The following HIVEP1 variants were observed in gnomAD, a reference collection of about 807,000 sequenced individuals.
The protein encoded by HIVEP1 is HIVEP zinc finger 1, also known as zinc finger protein 40.
A neutral mutation model predicts 180.0 loss-of-function variants in HIVEP1; 36 were observed. The observed-to-expected ratio is 0.20, with a 90% confidence interval of 0.15 to 0.26. The LOEUF (loss-of-function observed/expected upper bound fraction) is 0.26, where lower values mean the gene tolerates loss of function less well. HIVEP1 is among the 10% of genes least tolerant of loss of function. HIVEP1 has a pLI of 1.00. For synonymous variants in HIVEP1, 1,239 were observed against 1,239.0 expected, an observed-to-expected ratio of 1.00 and a Z score of 0.00; for missense variants, 3,143 against 3,268.7, an observed-to-expected ratio of 0.96 and a Z score of 0.94.
At chr6:12,057,132 A>G (rs900993843) in intron 2 of HIVEP1, among the ~76,000 whole-genome samples, 6 of 152,150 alleles carry the variant, frequency 3.9e-5, no homozygotes, top group African/African-American at 1.4e-4. Context: ...TCTGATGACA[A>G]AGCTATCCTT....
the HIVEP1 span, among the ~76,000 whole-genome samples, chr6:12,208,557 G>A: frequency 2.0e-5 from 3 of 152,184 alleles, no homozygotes; most frequent in African/African-American, 7.2e-5. Flanking sequence ...ACATTCATAT[G>A]TTGAAGTCCC....
Position 12,120,838 on chromosome 6 carries a change from A to G in HIVEP1, c.1043A>G (p.Gln348Arg). The stretch of plus-strand genomic sequence containing the variant: ...TCCAGTAGATCTCAGGTTACTCCTC[A>G]AAACCAGCAAATGGATTCTGCTTCA... Reference protein sequence around the residue: ...SPSSRSQVTPQNQQMDSASPL... With the variant: ...SPSSRSQVTPRNQQMDSASPL... Residue 348 changes from glutamine to arginine, a missense_variant, in exon 4 of 9, where the codon CAA becomes CGA. By Grantham distance (43) the Gln-to-Arg change is conservative. Transcript: ENST00000379388. 6.2e-7 allele frequency: 1 copy of G among 1,614,200 alleles called. No homozygotes were observed. The highest frequency in any genetic ancestry group is 8.5e-7 in the Non-Finnish European group (1 of 1,180,024).
chr6:12,015,221 T>C (rs1561853318), intron 1 of HIVEP1, among the ~76,000 whole-genome samples: 1 of 152,252 alleles, frequency 6.6e-6, no homozygotes, highest in South Asian at 2.1e-4. Context: ...ATGCCTAACA[T>C]AATCCTTTTG....
At chr6:12,173,217 A>G in the HIVEP1 span, among the ~76,000 whole-genome samples, 1 of 152,194 alleles carries the variant, frequency 6.6e-6, no homozygotes, top group Non-Finnish European at 1.5e-5. Context: ...AGCGATTCAC[A>G]TTGTTTTGAG....
rs368780403 is a variant in HIVEP1, at chr6:12,123,358, G to A, written c.3563G>A (p.Arg1188Gln). ...GISQEESHPS[R>Q]DGSHPHQLAL... Reference sequence around the variant, plus strand: ...TCCCAAGAGGAAAGTCACCCTTCTCGGGACGGGTCTCATCCTCACCAGCTT... The same window carrying A: ...TCCCAAGAGGAAAGTCACCCTTCTCAGGACGGGTCTCATCCTCACCAGCTT... Residue 1188 changes from arginine (R) to glutamine (Q), a missense_variant, in exon 4 of 9, where the codon CGG becomes CAG. Physicochemically the swap from Arg to Gln is conservative, Grantham distance 43. Coordinates refer to ENST00000379388, the MANE Select transcript of HIVEP1 (RefSeq NM_002114.4). 5.9e-5 allele frequency: 96 copies of A among 1,614,006 alleles called. No individual in the cohort carries two copies. Among genetic ancestry groups the A allele is most frequent in the Admixed American group, 2.8e-4 (17 of 59,988 alleles).
chr6:12,125,666 G>A lies in HIVEP1; in HGVS notation c.5871G>A (p.Gln1957=). ...LLRQKSLHLP[Q]KDQKTSAYTD... ...GGCAGAAGTCGTTGCATTTGCCTCA[G>A]AAGGACCAGAAAACTTCAGCCTATA... is the stretch of plus-strand genomic sequence containing the variant. The change falls in exon 4 of 9, where the codon CAG becomes CAA. Residue 1957 remains glutamine, a synonymous_variant. Transcript: ENST00000379388. The A allele has an allele frequency of 6.2e-7, 1 of 1,614,180 alleles. No individual in the cohort carries two copies.
chr6:12,167,826 AAT>A (rs1182091702), downstream of HIVEP1, among the ~76,000 whole-genome samples: 1 of 145,284 alleles, frequency 6.9e-6, no homozygotes, highest in East Asian at 2.0e-4. Flanking sequence ...GTGCGTATAT[AAT>A]ATGTACACAT....
intron 3 of HIVEP1, among the ~76,000 whole-genome samples, chr6:12,107,087 A>C (rs115945351): frequency 0.01 from 1,598 of 152,338 alleles, 30 homozygotes; most frequent in African/African-American, 0.036. Flanking sequence ...AAATTTAAGT[A>C]GCCAATAGGC....
At chr6:12,130,739 C>T (rs1758371711) in intron 5 of HIVEP1, 28 bp from the exon 6 acceptor site, 1 of 1,354,454 alleles carries the variant, frequency 7.4e-7, no homozygotes. Flanking sequence ...TGTCCAATCT[C>T]CCTATTCATT....
In HIVEP1 at chr6:12,120,653, A is replaced by T; in HGVS notation, c.858A>T (p.Gln286His). 1.2e-6 allele frequency: 2 copies of T among 1,614,224 alleles called. No individual in the cohort carries two copies. The highest frequency in any genetic ancestry group is 1.7e-6 in the Non-Finnish European group (2 of 1,180,036). Residue 286 changes from glutamine (Q) to histidine (H), a missense_variant, in exon 4 of 9, where the codon CAA (glutamine) becomes CAT (histidine). Physicochemically the swap from Gln to His is conservative, Grantham distance 24. Around this residue, in one of 12 missense-constraint regions of HIVEP1, gnomAD observed 306 missense variants for 310.6 expected, o/e 0.99. Transcript: ENST00000379388. Reference protein sequence around the residue: ...AMQSASHLYHQHEHFVPKSNQ... With the variant: ...AMQSASHLYHHHEHFVPKSNQ... ...AGTCAGCTTCTCATTTGTATCATCA[A>T]CATGAACACTTTGTTCCCAAATCCA... is the stretch of plus-strand genomic sequence containing the variant.
the HIVEP1 span, among the ~76,000 whole-genome samples, chr6:12,174,661 C>G: frequency 6.6e-6 from 1 of 152,138 alleles, no homozygotes; most frequent in African/African-American, 2.4e-5. Context: ...TTGGAAGACA[C>G]AACAGATTCA....
At chr6:12,114,546 T>C (rs1775102447) in intron 3 of HIVEP1, among the ~76,000 whole-genome samples, 1 of 152,164 alleles carries the variant, frequency 6.6e-6, no homozygotes, top group Non-Finnish European at 1.5e-5. Context: ...TTATGTCCTT[T>C]TACAAAAACA....
chr6:12,124,709 A>G lies in HIVEP1; in HGVS notation c.4914A>G (p.Ile1638Met). 6.2e-7 allele frequency: 1 copy of G among 1,614,162 alleles called. No individual in the cohort carries two copies. The highest frequency in any genetic ancestry group is 2.2e-5 in the East Asian group (1 of 44,884). ...TGCCATCATCATTCATGCTGCCCAT[A>G]CGCCTGCAGAGTAGTGTTCCTGCTT... ...QKVPSSFMLPIRLQSSVPAYC... is the reference protein window; with the variant it reads ...QKVPSSFMLPMRLQSSVPAYC... The change falls in exon 4 of 9, where the codon ATA becomes ATG. Residue 1638 changes from isoleucine (I) to methionine (M), a missense_variant. Coordinates refer to ENST00000379388, the MANE Select transcript of HIVEP1 (RefSeq NM_002114.4).
chr6:12,201,219 A>T, the HIVEP1 span, among the ~76,000 whole-genome samples: 1 of 152,212 alleles, frequency 6.6e-6, no homozygotes, highest in Non-Finnish European at 1.5e-5. Flanking sequence ...GCTCATGCCT[A>T]TAATCTCAGC....
At chr6:12,107,607 C>T (rs1405814316) in intron 3 of HIVEP1, among the ~76,000 whole-genome samples, 1 of 152,080 alleles carries the variant, frequency 6.6e-6, no homozygotes, top group African/African-American at 2.4e-5. Context: ...GAGTTTCTGC[C>T]TTCTGGTGGG....
intron 2 of HIVEP1, among the ~76,000 whole-genome samples, chr6:12,041,448 G>A (rs544276632): frequency 1.1e-3 from 162 of 141,890 alleles, no homozygotes; most frequent in African/African-American, 3.8e-3. Context: ...AAAAAAAGCC[G>A]GAGAAAGTGG....
chr6:12,206,196 C>T, the HIVEP1 span, among the ~76,000 whole-genome samples: 16 of 152,116 alleles, frequency 1.1e-4, no homozygotes, highest in East Asian at 3.9e-4. Flanking sequence ...TGCAGTGGCA[C>T]GATCTCAGCT....
the HIVEP1 span, among the ~76,000 whole-genome samples, chr6:12,174,583 T>C: frequency 1.2e-4 from 18 of 152,308 alleles, 2 homozygotes; most frequent in African/African-American, 4.1e-4. Flanking sequence ...TTTTGTTTTG[T>C]AACTAAACAA....
In HIVEP1 at chr6:12,125,576, C is replaced by A. The variant is rs773772278; in HGVS notation, c.5781C>A (p.Asp1927Glu). Reference sequence around the variant, plus strand: ...CTCTTTCATTGTTTAACATCAAGGACACCCAGCAGCTGGCTTTCCCTAGCC... The same window carrying A: ...CTCTTTCATTGTTTAACATCAAGGAAACCCAGCAGCTGGCTTTCCCTAGCC... The part of the protein sequence containing the change: ...VTSLSLFNIK[D>E]TQQLAFPSLK... The change falls in exon 4 of 9, where the codon GAC becomes GAA. Residue 1927 changes from aspartate to glutamate, a missense_variant. Physicochemically the swap from Asp to Glu is conservative, Grantham distance 45 (BLOSUM62 2). Around this residue, in one of 12 missense-constraint regions of HIVEP1, gnomAD observed 1,357 missense variants for 1,260.5 expected, o/e 1.08. Transcript: ENST00000379388. 6.2e-7 allele frequency: 1 copy of A among 1,614,184 alleles called. No individual in the cohort carries two copies. Among genetic ancestry groups the A allele is most frequent in the Non-Finnish European group, 8.5e-7 (1 of 1,180,022 alleles).
Sources: gnomAD v4.1 joint callset for allele counts (sites outside exome capture counted in the v4.1 genomes callset) on GRCh38, gnomAD v4.1.1 for gene constraint, gnomAD v4.1.1 regional missense constraint, MANE v1.5 for transcripts, NCBI Gene and HGNC (gene_info 2026-07-23, HGNC 2026-07-21) for gene names.